Variants in MUSK observed in about 807,000 individuals in gnomAD.
MUSK encodes muscle, skeletal receptor tyrosine-protein kinase.
A neutral mutation model predicts 88.7 loss-of-function variants in MUSK; 55 were observed. The ratio of observed to expected loss-of-function variants is 0.62; its 90% confidence interval spans 0.50 to 0.78. The LOEUF (loss-of-function observed/expected upper bound fraction) is 0.78, where lower values mean the gene tolerates loss of function less well. Ranked by LOEUF, MUSK falls within the 30% of genes least tolerant of loss-of-function variation. MUSK has a pLI of 0.00. For synonymous variants in MUSK, 387 were observed against 391.9 expected, an observed-to-expected ratio of 0.99 and a Z score of 0.15; for missense variants, 1,015 against 1,074.3, an observed-to-expected ratio of 0.94 and a Z score of 0.77.
chr9:110,680,901 G>A (rs1263350821), intron 1 of MUSK, among the ~76,000 whole-genome samples: 1 of 124,924 alleles, frequency 8.0e-6, no homozygotes, highest in Non-Finnish European at 1.6e-5. Context: ...CTTTAATAGT[G>A]TCCATGTCTG....
rs558643620 is a variant in MUSK at position 110,790,750 on chromosome 9, T to A, written c.1927+2912T>A. ...TCATCTAAGAAAATCCATTTTTACA[T>A]AAAATATAAAATGGACTAGAGAAAC... On this transcript the variant is annotated intron_variant, in intron 14 of 14. Transcript: ENST00000374448. Among the ~76,000 whole-genome samples the A allele has an allele frequency of 3.9e-5, 6 of 152,226 alleles. No homozygotes were observed. The South Asian group carries it at 1.2e-3, about 32-fold the overall frequency.
Position 110,677,452 on chromosome 9 carries a change from G to A in MUSK, c.80-5222G>A, listed in dbSNP as rs182342854. On this transcript the variant is annotated intron_variant, in intron 1 of 14. Coordinates refer to ENST00000374448, the MANE Select transcript of MUSK (RefSeq NM_005592.4). ...ATTCTCCCTCTTTTGTGAAACGTGT[G>A]CTACTCTTGGGCTCTGCCAATAGCC... Among the ~76,000 whole-genome samples, 361 of 152,284 alleles carry A rather than the reference G, an allele frequency of 2.4e-3. 1 individual carries two copies. The highest frequency in any genetic ancestry group is 0.018 in the South Asian group (89 of 4,828).
At chr9:110,716,111 T>C (rs1375165703) in intron 5 of MUSK, among the ~76,000 whole-genome samples, 1 of 149,518 alleles carries the variant, frequency 6.7e-6, no homozygotes, top group Non-Finnish European at 1.5e-5. Context: ...CATCCTGCAC[T>C]TGTACCCCTG....
At chr9:110,755,996 A>T (rs987980236) in intron 7 of MUSK, among the ~76,000 whole-genome samples, 1 of 143,394 alleles carries the variant, frequency 7.0e-6, no homozygotes, top group East Asian at 2.0e-4. Context: ...ATATATATAT[A>T]TGAATTTATT....
chr9:110,689,856 C>CTATATATTTAAATATAAA (rs1428969625), intron 3 of MUSK, among the ~76,000 whole-genome samples: 1 of 70,182 alleles, frequency 1.4e-5, no homozygotes, highest in Non-Finnish European at 2.6e-5. Context: ...TTATATATAA[C>CTATATATTTAAATATAAA]TATATATTTA....
At chr9:110,756,341 G>C (rs986564798) in intron 7 of MUSK, among the ~76,000 whole-genome samples, 1 of 151,598 alleles carries the variant, frequency 6.6e-6, no homozygotes, top group Non-Finnish European at 1.5e-5. Context: ...AATCCCTATT[G>C]AGGTAACCTG....
At chr9:110,714,867 C>T (rs13302152) in intron 5 of MUSK, among the ~76,000 whole-genome samples, 19,978 of 152,066 alleles carry the variant, frequency 0.13, 1,765 homozygotes, top group Non-Finnish European at 0.18. Context: ...AAATATGATG[C>T]TAGATGAGAC....
Position 110,785,612 on chromosome 9 carries a change from C to A in MUSK, c.1672C>A (p.Pro558Thr). ...LHPNPMYQRM[P>T]LLLNPKLLSL... is the part of the protein sequence containing the mutation. ...TCCCAACCCCATGTACCAGAGGATGCCGCTCCTTCTGAACCCCAAATTGCT... is the reference window on the plus strand; with the variant it reads ...TCCCAACCCCATGTACCAGAGGATGACGCTCCTTCTGAACCCCAAATTGCT... Residue 558 changes from proline (P) to threonine (T), a missense_variant, in exon 13 of 15, where the codon CCG becomes ACG. Transcript: ENST00000374448. The A allele has an allele frequency of 6.2e-7, 1 of 1,613,282 alleles. No individual in the cohort carries two copies. Among genetic ancestry groups the A allele is most frequent in the Non-Finnish European group, 8.5e-7 (1 of 1,179,582 alleles).
intron 14 of MUSK, among the ~76,000 whole-genome samples, chr9:110,791,169 C>A (rs960868976): frequency 6.6e-6 from 1 of 151,224 alleles, no homozygotes; most frequent in Non-Finnish European, 1.5e-5. Flanking sequence ...ACGCAGAAGA[C>A]GGGTGATTTC....
In MUSK at chr9:110,803,535, C is replaced by T. The variant is rs1014088404; in HGVS notation, c.*2547C>T. ...CATGATAGAAGCAATAACTGAACCT[C>T]AGTAACTCTGTGGAAGTGATTTGTA... On this transcript the variant is annotated 3_prime_UTR_variant, in exon 15 of 15. Transcript: ENST00000374448. Among the ~76,000 whole-genome samples the T allele has an allele frequency of 1.3e-5, 2 of 152,186 alleles. No homozygotes were observed. Among genetic ancestry groups the T allele is most frequent in the African/African-American group, 4.8e-5 (2 of 41,434 alleles).
chr9:110,722,069 C>G (rs1012997560), intron 5 of MUSK, among the ~76,000 whole-genome samples: 1 of 152,086 alleles, frequency 6.6e-6, no homozygotes, highest in East Asian at 1.9e-4. Flanking sequence ...ATCCTCACCT[C>G]TCACCTTTTA....
intron 11 of MUSK, among the ~76,000 whole-genome samples, chr9:110,781,861 G>T (rs2077766462): frequency 2.6e-5 from 4 of 152,210 alleles, no homozygotes; most frequent in Middle Eastern, 3.4e-3. Context: ...ACATGAATGT[G>T]GGGGAAAGAC....
intron 2 of MUSK, among the ~76,000 whole-genome samples, chr9:110,684,807 T>A (rs2076174760): frequency 6.6e-6 from 1 of 152,158 alleles, no homozygotes; most frequent in East Asian, 1.9e-4. Context: ...TGTTACTGAT[T>A]TTTGTACATT....
intron 5 of MUSK, among the ~76,000 whole-genome samples, chr9:110,705,492 C>T (rs1291394669): frequency 9.2e-5 from 14 of 152,192 alleles, no homozygotes. Context: ...GAAGTCTCCA[C>T]TCATCTGACT....
intron 7 of MUSK, 133 bp downstream of exon 7, chr9:110,747,933 C>T (rs2131878321): frequency 8.1e-7 from 1 of 1,233,002 alleles, no homozygotes. Context: ...TATTTCCTCC[C>T]CCATGGGGAT....
At chr9:110,746,240 G>A (rs1031882592) in intron 6 of MUSK, among the ~76,000 whole-genome samples, 5 of 152,002 alleles carry the variant, frequency 3.3e-5, no homozygotes, top group Admixed American at 2.6e-4. Context: ...TATAAGCAGC[G>A]TTAATTAAAG....
chr9:110,711,675 A>C (rs1293407148), intron 5 of MUSK, among the ~76,000 whole-genome samples: 1 of 152,202 alleles, frequency 6.6e-6, no homozygotes, highest in Non-Finnish European at 1.5e-5. Context: ...AACTTAAAGA[A>C]GGCCCATATG....
At chr9:110,762,241 A>C in intron 8 of MUSK, 33 bp downstream of exon 8, 1 of 1,407,294 alleles carries the variant, frequency 7.1e-7, no homozygotes, top group Non-Finnish European at 9.3e-7. Context: ...ATTGTTTCCA[A>C]TGTTTTGTTT....
At chr9:110,680,931 C>G (rs1235757639) in intron 1 of MUSK, among the ~76,000 whole-genome samples, 1 of 96,222 alleles carries the variant, frequency 1.0e-5, no homozygotes, top group Admixed American at 1.4e-4. Context: ...GTATTATGTT[C>G]TGTATATTAT....
Sources: allele counts gnomAD v4.1 joint callset (sites outside exome capture counted in the v4.1 genomes callset), GRCh38; gene constraint gnomAD v4.1.1; transcripts MANE v1.5; gene names NCBI Gene and HGNC (gene_info 2026-07-23, HGNC 2026-07-21).